The following PCDHGB5 variants were observed in gnomAD, a reference collection of about 807,000 sequenced individuals.
PCDHGB5 encodes the protein protocadherin gamma-B5.
In PCDHGB5, 48 loss-of-function variants were observed where a neutral mutation model predicts 62.9. The observed-to-expected ratio is 0.76, with a 90% CI of 0.61 to 0.97. The LOEUF is 0.97. PCDHGB5 is among the 50% of genes least tolerant of loss of function. The pLI is 0.00. For missense variants in PCDHGB5, 1,118 were observed against 1,198.6 expected (o/e 0.93, Z 0.99); for synonymous variants, 474 against 511.2 (o/e 0.93, Z 0.98).
chr5:141,409,177 T>A (rs1272833119), intron 1 of PCDHGB5: 1 of 1,613,944 alleles, frequency 6.2e-7, no homozygotes, highest in Non-Finnish European at 8.5e-7. Context: ...AGGACGGAGG[T>A]GGTCTCTCTA....
Position 141,491,623 on chromosome 5 carries a change from G to T in PCDHGB5, c.2398-3184G>T. 1 of 1,613,930 alleles carries T rather than the reference G, an allele frequency of 6.2e-7. No homozygotes were observed. The highest frequency in any genetic ancestry group is 1.1e-5 in the South Asian group (1 of 91,084). On this transcript the variant is annotated intron_variant, in intron 1 of 3. Transcript: ENST00000617380. This position sits in a 1 kb window ranked among gnomAD's most constrained non-coding sequence, Gnocchi z 6.9. ...CTTCACTTTTCTAAGACCCCTCAGC[G>T]TTCAGCAGCCCACAGCTCTGGCGCT...
chr5:141,511,358 G>T lies in PCDHGB5; in HGVS notation c.*185G>T, dbSNP rs905197337. 1.5e-6 allele frequency: 2 copies of T among 1,355,398 alleles called. No homozygotes were observed. Among genetic ancestry groups the T allele is most frequent in the East Asian group, 2.5e-5 (1 of 39,588 alleles). The allele number at this position is 1,355,398 out of a possible 1,614,324, so 84.0% of individuals were successfully genotyped here. ...GCACCTACCCCTTCCCCCCCAGGGGGTTGAATATGCAAAAGCAGTTCCGCT... is the reference window on the plus strand; with the variant it reads ...GCACCTACCCCTTCCCCCCCAGGGGTTTGAATATGCAAAAGCAGTTCCGCT... On this transcript the variant is annotated 3_prime_UTR_variant, in exon 4 of 4. Coordinates refer to ENST00000617380, the MANE Select transcript of PCDHGB5 (RefSeq NM_018925.3).
intron 1 of PCDHGB5, among the ~76,000 whole-genome samples, chr5:141,464,885 G>T (rs1592925315): frequency 6.6e-6 from 1 of 152,020 alleles, no homozygotes; most frequent in East Asian, 1.9e-4. Flanking sequence ...ACTACAGATG[G>T]ATGCCACCAT....
At chr5:141,410,370 C>T (rs780808768) in intron 1 of PCDHGB5, 2 of 1,614,060 alleles carry the variant, frequency 1.2e-6, no homozygotes, top group South Asian at 2.2e-5. Flanking sequence ...AGCCCTGCTA[C>T]TTGGGACTGC....
chr5:141,484,277 G>T (rs1026083889), intron 1 of PCDHGB5, among the ~76,000 whole-genome samples: 1 of 152,126 alleles, frequency 6.6e-6, no homozygotes, highest in South Asian at 2.1e-4. Context: ...TTACTGTTTT[G>T]AAACATCTCC....
chr5:141,405,835 A>C (rs2094724459), intron 1 of PCDHGB5, among the ~76,000 whole-genome samples: 1 of 152,178 alleles, frequency 6.6e-6, no homozygotes, highest in African/African-American at 2.4e-5. Flanking sequence ...AGGTAGTATA[A>C]GTTGATATCA....
intron 1 of PCDHGB5, among the ~76,000 whole-genome samples, chr5:141,469,207 G>T (rs2099193654): frequency 6.6e-6 from 1 of 151,820 alleles, no homozygotes; most frequent in African/African-American, 2.4e-5. Flanking sequence ...GCCTTTTGAA[G>T]TTGAGGCTTC....
chr5:141,415,121 C>T (rs2095831464), intron 1 of PCDHGB5: 1 of 1,613,522 alleles, frequency 6.2e-7, no homozygotes, highest in South Asian at 1.1e-5. Context: ...CTCGTAGTGG[C>T]CGTCCAGGAC....
chr5:141,492,359 C>A (rs1292383129), intron 1 of PCDHGB5, among the ~76,000 whole-genome samples: 3 of 152,336 alleles, frequency 2.0e-5, no homozygotes, highest in African/African-American at 7.2e-5. Flanking sequence ...GCCACTCGCT[C>A]GCGGCCAGAT....
At chr5:141,458,318 A>T (rs1420197662) in intron 1 of PCDHGB5, among the ~76,000 whole-genome samples, 1 of 152,128 alleles carries the variant, frequency 6.6e-6, no homozygotes, top group Non-Finnish European at 1.5e-5. Context: ...ACACAGACAC[A>T]TGTGGAGTGG....
rs1277891886 is a variant in PCDHGB5 at position 141,399,659 on chromosome 5, T to A, written c.1532T>A (p.Phe511Tyr). The change falls in exon 1 of 4, where the codon TTC (phenylalanine) becomes TAC (tyrosine). Residue 511 changes from phenylalanine to tyrosine, a missense_variant. Physicochemically the swap from Phe to Tyr is conservative, Grantham distance 22. This residue lies in a region of PCDHGB5 where 1,034 missense variants were observed against 1,029.1 expected (regional missense o/e 1.00). Coordinates refer to ENST00000617380, the MANE Select transcript of PCDHGB5 (RefSeq NM_018925.3). The stretch of plus-strand genomic sequence containing the variant: ...ATGAGCGCGCAAAGTGGGGTGGTGT[T>A]CGCGCAGCGCGCCTTTGACTACGAG... ...VSMSAQSGVV[F>Y]AQRAFDYEQL... 1 of 1,613,684 alleles carries A rather than the reference T, an allele frequency of 6.2e-7. No individual in the cohort carries two copies. Among genetic ancestry groups the A allele is most frequent in the African/African-American group, 1.3e-5 (1 of 75,074 alleles).
At chr5:141,423,572 G>A (rs1239529114) in intron 1 of PCDHGB5, 1 of 1,613,510 alleles carries the variant, frequency 6.2e-7, no homozygotes, top group Admixed American at 1.7e-5. Flanking sequence ...ACGCTCATCA[G>A]CCAGGAGAGC....
intron 1 of PCDHGB5, among the ~76,000 whole-genome samples, chr5:141,469,414 A>C (rs1455286338): frequency 1.3e-5 from 2 of 152,118 alleles, no homozygotes; most frequent in Non-Finnish European, 2.9e-5. Flanking sequence ...GTTTCTACTA[A>C]AAATATAAAA....
At chr5:141,479,003 C>A (rs2099485569) in intron 1 of PCDHGB5, among the ~76,000 whole-genome samples, 1 of 152,176 alleles carries the variant, frequency 6.6e-6, no homozygotes, top group African/African-American at 2.4e-5. Flanking sequence ...AAACTAATAG[C>A]TTTTTGATAA....
At chr5:141,448,710 G>T (rs897054829) in intron 1 of PCDHGB5, among the ~76,000 whole-genome samples, 1 of 152,162 alleles carries the variant, frequency 6.6e-6, no homozygotes, top group Non-Finnish European at 1.5e-5. Flanking sequence ...GGAGGCCGAG[G>T]CGGGAGGATC....
At chr5:141,503,517 T>C (rs6878542) in intron 2 of PCDHGB5, among the ~76,000 whole-genome samples, 77,350 of 150,132 alleles carry the variant, frequency 0.52, 20,504 homozygotes, top group African/African-American at 0.63. Flanking sequence ...GAGAATCACT[T>C]GAACCTGGGA....
At chr5:141,455,959 G>A (rs112864392) in intron 1 of PCDHGB5, among the ~76,000 whole-genome samples, 2 of 150,430 alleles carry the variant, frequency 1.3e-5, no homozygotes. Flanking sequence ...GTGCAGTGGC[G>A]CGATCTCAGC....
intron 1 of PCDHGB5, chr5:141,419,337 C>A (rs1283848400): frequency 6.2e-7 from 1 of 1,613,906 alleles, no homozygotes; most frequent in South Asian, 1.1e-5. Flanking sequence ...TCTCTCATTG[C>A]CAGCGACCTG....
At chr5:141,410,705 A>G (rs1462423983) in intron 1 of PCDHGB5, 1 of 1,460,780 alleles carries the variant, frequency 6.8e-7, no homozygotes, top group Non-Finnish European at 9.1e-7. Context: ...TTTCATATCT[A>G]GAATCATATG....
Sources: gnomAD v4.1 joint callset for allele counts (sites outside exome capture counted in the v4.1 genomes callset) on GRCh38, gnomAD v4.1.1 for gene constraint, gnomAD v4.1.1 regional missense constraint, Gnocchi (gnomAD v3.1) non-coding constraint, MANE v1.5 for transcripts, NCBI Gene and HGNC (gene_info 2026-07-23, HGNC 2026-07-21) for gene names.